OTUD5: variants seen among roughly 807,000 people sequenced by gnomAD.
OTUD5 encodes OTU deubiquitinase 5.
A neutral mutation model predicts 36.3 loss-of-function variants in OTUD5; 2 were observed. That is an observed-to-expected ratio of 0.06 (90% CI 0.02 to 0.17). OTUD5 has a LOEUF of 0.17. OTUD5 is among the 10% of genes least tolerant of loss of function. The pLI is 1.00. For synonymous variants in OTUD5, 234 were observed against 214.9 expected, an observed-to-expected ratio of 1.09 and a Z score of -0.78; for missense variants, 233 against 512.3, an observed-to-expected ratio of 0.45 and a Z score of 5.26.
chrX:48,952,256 AAATC>A (rs1408773172), intron 1 of OTUD5, among the ~76,000 whole-genome samples: 1 of 112,177 alleles, frequency 8.9e-6, no homozygotes, highest in Non-Finnish European at 1.9e-5. Flanking sequence ...CAGAACAGAC[AAATC>A]AATCAAGCCA....
chrX:48,938,682 G>A (rs2063868957), intron 2 of OTUD5, among the ~76,000 whole-genome samples: 1 of 107,161 alleles, frequency 9.3e-6, no homozygotes, highest in African/African-American at 3.4e-5. Context: ...CAACAAGAGC[G>A]AAACTCTGTC....
chrX:48,954,818 C>T (rs782683344), intron 1 of OTUD5, among the ~76,000 whole-genome samples: 2 of 112,338 alleles, frequency 1.8e-5, no homozygotes, highest in East Asian at 2.8e-4. Flanking sequence ...GACTCGGAAT[C>T]GCTCTTGGTT....
chrX:48,930,950 G>A (rs1258640027), intron 5 of OTUD5, among the ~76,000 whole-genome samples: 5 of 101,321 alleles, frequency 4.9e-5, no homozygotes, highest in African/African-American at 7.5e-5. Context: ...CAACAAGAGC[G>A]AAACTCCCTC....
intron 2 of OTUD5, 25 bp downstream of exon 2, chrX:48,944,165 C>T (rs1557051785): frequency 1.1e-5 from 12 of 1,117,665 alleles, no homozygotes; most frequent in Non-Finnish European, 1.4e-5. Context: ...GCCCTAGGCC[C>T]TTAAGGACTA....
upstream of OTUD5, chrX:48,958,016 G>T: frequency 7.8e-6 from 1 of 128,808 alleles, no homozygotes; most frequent in Non-Finnish European, 1.5e-5. Flanking sequence ...GGAAGTACGT[G>T]GGCAAAATCG....
intron 5 of OTUD5, among the ~76,000 whole-genome samples, chrX:48,932,106 G>A (rs1350653289): frequency 4.0e-5 from 4 of 100,276 alleles, no homozygotes; most frequent in Admixed American, 1.1e-4. Flanking sequence ...CCAAGATTGC[G>A]CCATTGCACT....
chrX:48,941,982 A>C (rs2063932128), intron 2 of OTUD5, among the ~76,000 whole-genome samples: 1 of 111,079 alleles, frequency 9.0e-6, no homozygotes. Flanking sequence ...AGTCAGGGGA[A>C]ATGTGTAGCC....
intron 8 of OTUD5, 53 bp downstream of exon 8, chrX:48,923,580 C>T (rs1266582473): frequency 2.4e-5 from 22 of 912,518 alleles, no homozygotes; most frequent in Admixed American, 5.2e-5. Context: ...CCACTTCTTC[C>T]AGTCTCTCCC....
intron 1 of OTUD5, among the ~76,000 whole-genome samples, chrX:48,955,475 G>A (rs2064221760): frequency 9.0e-6 from 1 of 111,559 alleles, no homozygotes. Context: ...CCTTGAGGAG[G>A]AAGCTCAGAC....
chrX:48,931,587 T>G (rs1032699023), intron 5 of OTUD5, among the ~76,000 whole-genome samples: 1 of 108,630 alleles, frequency 9.2e-6, no homozygotes, highest in Non-Finnish European at 1.9e-5. Context: ...GAGACCAGCG[T>G]GGCCAACATG....
chrX:48,944,735 G>A (rs1165936435), intron 1 of OTUD5, among the ~76,000 whole-genome samples: 3 of 112,455 alleles, frequency 2.7e-5, no homozygotes, highest in Non-Finnish European at 3.8e-5. Flanking sequence ...TCCAAGATAT[G>A]CTGTAGGCCG....
chrX:48,944,112 T>C (rs1223802312), intron 2 of OTUD5, 78 bp downstream of exon 2: 32 of 700,231 alleles, frequency 4.6e-5, no homozygotes, highest in Non-Finnish European at 6.9e-5. Flanking sequence ...CTCAACCCTG[T>C]CTCAGGGGCT....
intron 1 of OTUD5, among the ~76,000 whole-genome samples, chrX:48,949,205 A>G (rs1167591166): frequency 8.9e-6 from 1 of 111,931 alleles, no homozygotes; most frequent in East Asian, 2.8e-4. Flanking sequence ...TAGCCACGCA[A>G]AGATATCAAA....
intron 1 of OTUD5, among the ~76,000 whole-genome samples, chrX:48,948,991 C>T (rs1313654515): frequency 8.1e-5 from 9 of 111,612 alleles, no homozygotes; most frequent in Non-Finnish European, 1.7e-4. Flanking sequence ...AGGTTCCAAT[C>T]TAGCTCCACC....
At chrX:48,923,568 T>C in intron 8 of OTUD5, 65 bp downstream of exon 8, 1 of 840,878 alleles carries the variant, frequency 1.2e-6, no homozygotes, top group South Asian at 2.2e-5. Context: ...TCTCAGGACT[T>C]GCCACTTCTT....
intron 2 of OTUD5, among the ~76,000 whole-genome samples, chrX:48,938,849 G>A (rs782346348): frequency 9.0e-6 from 1 of 111,218 alleles, no homozygotes; most frequent in Non-Finnish European, 1.9e-5. Flanking sequence ...GACCTGCAGA[G>A]GTAGGGGAAT....
At chrX:48,929,067 G>C (rs2063710195) in intron 5 of OTUD5, among the ~76,000 whole-genome samples, 2 of 110,953 alleles carry the variant, frequency 1.8e-5, no homozygotes, top group Non-Finnish European at 3.8e-5. Context: ...AACACAAAGA[G>C]TGGACCTTAA....
At position 48,955,423 on chromosome X, in the gene OTUD5, G is replaced by A. The variant is rs983598659; in HGVS notation, c.594+1554C>T. 2.7e-5 allele frequency among the ~76,000 whole-genome samples: 3 copies of A among 111,407 alleles called. No individual in the cohort carries two copies. The East Asian group carries it at 8.5e-4, about 31-fold the overall frequency. Reference sequence around the variant, plus strand: ...GGAAGAGTCTCAGGGCTCAGGTCTGGGGGGAGGAGTCCTCCTGTTTCTCAG... The same window carrying A: ...GGAAGAGTCTCAGGGCTCAGGTCTGAGGGGAGGAGTCCTCCTGTTTCTCAG... On this transcript the variant is annotated intron_variant, in intron 1 of 8. Transcript: ENST00000376488.
chrX:48,957,483 G>C lies in OTUD5; in HGVS notation c.88C>G (p.Pro30Ala). Reference protein sequence around the residue: ...PPPPGPMPPAPRRGGGVGVGG... With the variant: ...PPPPGPMPPAARRGGGVGVGG... Reference sequence around the variant, plus strand: ...ACGCCCACACCTCCGCCGCGCCGCGGCGCCGGGGGCATCGGCCCGGGCGGC... The same window carrying C: ...ACGCCCACACCTCCGCCGCGCCGCGCCGCCGGGGGCATCGGCCCGGGCGGC... Residue 30 changes from proline (P) to alanine (A), a missense_variant, in exon 1 of 9, where the codon CCG (proline) becomes GCG (alanine). This residue lies in a region of OTUD5 where 155 missense variants were observed against 217.2 expected (regional missense o/e 0.71). Coordinates refer to ENST00000376488, the MANE Select transcript of OTUD5 (RefSeq NM_001136157.2). 7.1e-6 allele frequency: 6 copies of C among 849,969 alleles called. No homozygotes were observed. The highest frequency in any genetic ancestry group is 8.6e-6 in the Non-Finnish European group (6 of 694,006). 70.0% of individuals were successfully genotyped at this position (849,969 alleles called of 1,213,427 possible).
Sources: gnomAD v4.1 joint callset for allele counts (sites outside exome capture counted in the v4.1 genomes callset) on GRCh38, gnomAD v4.1.1 for gene constraint, gnomAD v4.1.1 regional missense constraint, MANE v1.5 for transcripts, NCBI Gene and HGNC (gene_info 2026-07-23, HGNC 2026-07-21) for gene names.